GPATCH8: variants seen among roughly 807,000 people sequenced by gnomAD.
GPATCH8 encodes the protein G-patch domain containing 8, also known as G patch domain-containing protein 8.
A neutral mutation model predicts 118.3 loss-of-function variants in GPATCH8; 18 were observed. That is an observed-to-expected ratio of 0.15 (90% confidence interval 0.11 to 0.23). The LOEUF is 0.23. GPATCH8 is among the 10% of genes least tolerant of loss of function. The pLI is 1.00. For missense variants in GPATCH8, 1,631 were observed against 1,873.8 expected, an observed-to-expected ratio of 0.87 and a Z score of 2.39; for synonymous variants, 659 against 684.7, an observed-to-expected ratio of 0.96 and a Z score of 0.59.
chr17:44,458,319 T>C (rs1476195924), intron 3 of GPATCH8, among the ~76,000 whole-genome samples: 1 of 151,984 alleles, frequency 6.6e-6, no homozygotes, highest in Non-Finnish European at 1.5e-5. Flanking sequence ...GTAATCCAAG[T>C]TGTTCCCTGT....
intron 6 of GPATCH8, among the ~76,000 whole-genome samples, chr17:44,413,950 G>A (rs1416766159): frequency 6.6e-6 from 1 of 151,710 alleles, no homozygotes; most frequent in Admixed American, 6.6e-5. Flanking sequence ...AAATTAATTT[G>A]TCATAAAATT....
At chr17:44,466,830 T>C (rs2051784281) in intron 2 of GPATCH8, among the ~76,000 whole-genome samples, 1 of 152,206 alleles carries the variant, frequency 6.6e-6, no homozygotes, top group Non-Finnish European at 1.5e-5. Context: ...CAGATAATTG[T>C]TTAATCTCTT....
chr17:44,402,359 T>C (rs1036376113), intron 7 of GPATCH8, among the ~76,000 whole-genome samples: 7 of 151,530 alleles, frequency 4.6e-5, no homozygotes, highest in African/African-American at 7.3e-5. Flanking sequence ...GTAAGACTTA[T>C]GTCACGACTG....
chr17:44,410,615 C>A (rs936772701), intron 6 of GPATCH8, among the ~76,000 whole-genome samples: 1 of 152,182 alleles, frequency 6.6e-6, no homozygotes, highest in Admixed American at 6.5e-5. Flanking sequence ...CCACATAGCA[C>A]ATTTTTAGTT....
At chr17:44,439,971 C>T (rs143062600) in intron 3 of GPATCH8, among the ~76,000 whole-genome samples, 365 of 152,000 alleles carry the variant, frequency 2.4e-3, no homozygotes, top group African/African-American at 8.7e-3. Flanking sequence ...CTCGTAAAGA[C>T]GGGGTTTCTT....
At chr17:44,460,624 CA>C (rs1473618625) in intron 3 of GPATCH8, among the ~76,000 whole-genome samples, 2 of 152,160 alleles carry the variant, frequency 1.3e-5, no homozygotes, top group African/African-American at 4.8e-5. Context: ...CCAAAAGGAC[CA>C]GGCTTAAAAT....
chr17:44,413,591 T>C (rs1164530629), intron 6 of GPATCH8, among the ~76,000 whole-genome samples: 2 of 152,192 alleles, frequency 1.3e-5, no homozygotes, highest in Admixed American at 6.5e-5. Context: ...TTCTCCTGCC[T>C]CAGCCTCCTG....
At position 44,396,365 on chromosome 17, in the gene GPATCH8, T is replaced by C. The variant is rs2048778887; in HGVS notation, c.*1203A>G. 2.2e-6 allele frequency: 1 copy of C among 454,396 alleles called. No homozygotes were observed. The highest frequency in any genetic ancestry group is 4.4e-6 in the Non-Finnish European group (1 of 226,804). 28.1% of individuals were successfully genotyped at this position (454,396 alleles called of 1,614,324 possible). A position where few individuals can be genotyped will look rare whatever the true frequency, so the allele number is the denominator to read the frequency against. ...AGTACATGAGGGAGACTGTTAAAGA[T>C]GAGCATCCCTCAGAAGCCCCCAGCT... On this transcript the variant is annotated 3_prime_UTR_variant, in exon 8 of 8. Transcript: ENST00000591680.
chr17:44,425,807 G>A (rs532066245), intron 5 of GPATCH8, among the ~76,000 whole-genome samples: 13 of 152,258 alleles, frequency 8.5e-5, no homozygotes, highest in Non-Finnish European at 1.5e-4. Context: ...GACATTGCAG[G>A]TGTCAGCCCC....
chr17:44,425,022 A>C (rs2050041042), intron 5 of GPATCH8, among the ~76,000 whole-genome samples: 1 of 151,716 alleles, frequency 6.6e-6, no homozygotes, highest in South Asian at 2.1e-4. Flanking sequence ...GGTTGGAGAA[A>C]AACAACAACA....
chr17:44,416,771 A>C (rs2049702096), intron 6 of GPATCH8, among the ~76,000 whole-genome samples: 2 of 152,226 alleles, frequency 1.3e-5, no homozygotes, highest in Non-Finnish European at 2.9e-5. Flanking sequence ...ATGTATTAAC[A>C]GATTATATCC....
At chr17:44,452,366 T>C (rs903643323) in intron 3 of GPATCH8, among the ~76,000 whole-genome samples, 1 of 151,198 alleles carries the variant, frequency 6.6e-6, no homozygotes, top group East Asian at 1.9e-4. Context: ...TGGGAGTATC[T>C]ACCTCAAAGA....
At chr17:44,439,409 T>G (rs1436815691) in intron 3 of GPATCH8, among the ~76,000 whole-genome samples, 1 of 151,966 alleles carries the variant, frequency 6.6e-6, no homozygotes, top group African/African-American at 2.4e-5. Flanking sequence ...GAAACCGACA[T>G]CACAAGAGCT....
chr17:44,485,389 T>C (rs1363768019), intron 1 of GPATCH8, among the ~76,000 whole-genome samples: 2 of 152,184 alleles, frequency 1.3e-5, no homozygotes, highest in Admixed American at 6.6e-5. Context: ...GCTAGGATTA[T>C]AGGCTTGAGC....
At chr17:44,431,378 GAAAAAAAAAA>G (rs776468380) in intron 5 of GPATCH8, among the ~76,000 whole-genome samples, 1 of 47,808 alleles carries the variant, frequency 2.1e-5, no homozygotes, top group East Asian at 5.6e-4. Flanking sequence ...TCTCAAAAAG[GAAAAAAAAAA>G]AAAAAAAAAA....
chr17:44,445,581 C>T (rs1292264541), intron 3 of GPATCH8, among the ~76,000 whole-genome samples: 2 of 151,954 alleles, frequency 1.3e-5, no homozygotes, highest in Non-Finnish European at 2.9e-5. Flanking sequence ...TCTCGGCTCA[C>T]TGCAACCTTC....
intron 1 of GPATCH8, among the ~76,000 whole-genome samples, chr17:44,496,898 C>T (rs1275118197): frequency 6.6e-6 from 1 of 152,150 alleles, no homozygotes; most frequent in Non-Finnish European, 1.5e-5. Context: ...TTTGCTTAGA[C>T]CTCCAGAGTT....
At chr17:44,463,917 T>C (rs1281077070) in intron 3 of GPATCH8, among the ~76,000 whole-genome samples, 2 of 152,122 alleles carry the variant, frequency 1.3e-5, no homozygotes, top group Non-Finnish European at 2.9e-5. Context: ...ACCTGAGAAA[T>C]AACCTCTCTG....
intron 5 of GPATCH8, among the ~76,000 whole-genome samples, chr17:44,427,295 G>A (rs550502089): frequency 1.1e-4 from 16 of 151,730 alleles, no homozygotes; most frequent in African/African-American, 3.6e-4. Flanking sequence ...AAGGCTGGAT[G>A]TGAATTATTT....
Sources: allele counts gnomAD v4.1 joint callset (sites outside exome capture counted in the v4.1 genomes callset), GRCh38; gene constraint gnomAD v4.1.1; transcripts MANE v1.5; gene names NCBI Gene and HGNC (gene_info 2026-07-23, HGNC 2026-07-21).